Variants in DEPDC5 observed in about 807,000 individuals in gnomAD.
DEPDC5 encodes the protein DEP domain containing 5, GATOR1 subcomplex subunit, also known as GATOR1 complex protein DEPDC5.
In DEPDC5, 73 loss-of-function variants were observed where a neutral mutation model predicts 217.3. The observed-to-expected ratio is 0.34, with a 90% CI of 0.28 to 0.41. The LOEUF (loss-of-function observed/expected upper bound fraction) is 0.41. DEPDC5 is among the 10% of genes least tolerant of loss of function. DEPDC5 has a pLI of 1.00. For missense variants in DEPDC5, 1,675 were observed against 2,070.1 expected, an observed-to-expected ratio of 0.81 and a Z score of 3.70; for synonymous variants, 733 against 756.7, an observed-to-expected ratio of 0.97 and a Z score of 0.51.
intron 21 of DEPDC5, chr22:31,815,413 C>G (rs1165364686): frequency 3.1e-6 from 2 of 648,050 alleles, no homozygotes; most frequent in Non-Finnish European, 5.3e-6. Flanking sequence ...TTTTTGGTGA[C>G]AGAGCACCTA....
At chr22:31,815,556 A>ATT in intron 21 of DEPDC5, 1 of 572,636 alleles carries the variant, frequency 1.7e-6, no homozygotes. Flanking sequence ...TGATTATCAT[A>ATT]TTTTTTTTTG....
chr22:31,864,231 C>T (rs1330467998), intron 33 of DEPDC5, among the ~76,000 whole-genome samples: 1 of 151,272 alleles, frequency 6.6e-6, no homozygotes, highest in Non-Finnish European at 1.5e-5. Flanking sequence ...GCCCCAGCCT[C>T]CCTAGTAGTT....
chr22:31,863,672 AATTAT>A (rs1166141595), intron 33 of DEPDC5, among the ~76,000 whole-genome samples: 2 of 152,100 alleles, frequency 1.3e-5, no homozygotes, highest in Admixed American at 6.6e-5. Context: ...TACATAAAAA[AATTAT>A]ATTAGGAGGC....
At chr22:31,768,719 T>C in intron 6 of DEPDC5, 95 bp from the exon 7 acceptor site, 1 of 1,111,012 alleles carries the variant, frequency 9.0e-7, no homozygotes, top group Non-Finnish European at 1.3e-6. Context: ...TTGTTTGTGA[T>C]TTTTCATGGC....
chr22:31,785,066 A>G (rs780012980), intron 10 of DEPDC5, 191 bp downstream of exon 10: 13 of 523,758 alleles, frequency 2.5e-5, no homozygotes, highest in Non-Finnish European at 4.0e-5. Flanking sequence ...ATCACACTCA[A>G]TGGTAAAAGA....
chr22:31,896,571 C>G lies in DEPDC5; in HGVS notation c.4204-911C>G, dbSNP rs994535384. Among the ~76,000 whole-genome samples the G allele has an allele frequency of 5.9e-5, 9 of 151,748 alleles. No individual in the cohort carries two copies. The South Asian group carries it at 1.5e-3, about 25-fold the overall frequency. On this transcript the variant is annotated intron_variant, in intron 39 of 42. Transcript: ENST00000651528. ...ATTTTTATGGTTAAAAAGAGTATCT[C>G]AAGATCTAGAAAATTGCCACTGTTC...
chr22:31,764,829 C>G, intron 4 of DEPDC5, 146 bp from the exon 5 acceptor site: 1 of 573,122 alleles, frequency 1.7e-6, no homozygotes, highest in Non-Finnish European at 3.1e-6. Flanking sequence ...TGTTTAAATT[C>G]TAAGCTCCTG....
At chr22:31,843,912 C>CTTT in intron 29 of DEPDC5, 100 bp downstream of exon 29, 4 of 1,046,704 alleles carry the variant, frequency 3.8e-6, no homozygotes, top group Non-Finnish European at 5.1e-6. Flanking sequence ...CTCCCTTTTT[C>CTTT]TTTTTTTTTT....
intron 8 of DEPDC5, among the ~76,000 whole-genome samples, chr22:31,778,406 G>A (rs79381532): frequency 0.025 from 3,763 of 152,080 alleles, 121 homozygotes; most frequent in Admixed American, 0.096. Flanking sequence ...AAGAATTACC[G>A]GGATCCTAGG....
chr22:31,838,546 C>A, intron 26 of DEPDC5, 139 bp from the exon 27 acceptor site: 1 of 1,147,800 alleles, frequency 8.7e-7, no homozygotes, highest in Non-Finnish European at 1.2e-6. Context: ...CCACCATGCC[C>A]AGCTCAAACT....
intron 21 of DEPDC5, chr22:31,815,742 G>C (rs2089020187): frequency 1.0e-6 from 1 of 1,002,586 alleles, no homozygotes; most frequent in Admixed American, 3.7e-5. Flanking sequence ...CCATTCCCAG[G>C]CTGGTCTTGA....
At chr22:31,766,036 A>G (rs577539343) in intron 5 of DEPDC5, among the ~76,000 whole-genome samples, 8 of 152,194 alleles carry the variant, frequency 5.3e-5, no homozygotes, top group Non-Finnish European at 1.2e-4. Context: ...AAAAATAATA[A>G]TAACTAAATA....
At chr22:31,885,000 T>C (rs2149326311) in intron 38 of DEPDC5, among the ~76,000 whole-genome samples, 1 of 152,314 alleles carries the variant, frequency 6.6e-6, no homozygotes, top group South Asian at 2.1e-4. Context: ...GTCTCCTCTA[T>C]GATCGTGGTT....
intron 39 of DEPDC5, 89 bp downstream of exon 39, chr22:31,893,840 T>G (rs1271273230): frequency 2.2e-6 from 3 of 1,367,268 alleles, no homozygotes; most frequent in African/African-American, 1.5e-5. Flanking sequence ...CACTTTAATT[T>G]TTTAGTTCAG....
intron 41 of DEPDC5, among the ~76,000 whole-genome samples, chr22:31,903,669 A>C (rs1352653022): frequency 3.8e-4 from 14 of 36,758 alleles, no homozygotes; most frequent in East Asian, 1.1e-3. Context: ...ACCTTCCACA[A>C]CTAAACCCCT....
intron 9 of DEPDC5, 96 bp from the exon 10 acceptor site, chr22:31,784,718 A>C (rs1055372731): frequency 8.3e-7 from 1 of 1,202,864 alleles, no homozygotes; most frequent in Admixed American, 1.9e-5. Flanking sequence ...TTGCTTAGAG[A>C]AGAATTTACT....
chr22:31,847,878 A>G (rs2091832698), intron 31 of DEPDC5, among the ~76,000 whole-genome samples: 1 of 152,224 alleles, frequency 6.6e-6, no homozygotes, highest in Non-Finnish European at 1.5e-5. Context: ...ATCTGAGACA[A>G]GGCAAATCCC....
intron 36 of DEPDC5, chr22:31,875,787 C>T (rs1569174189): frequency 1.2e-5 from 2 of 165,244 alleles, no homozygotes; most frequent in Non-Finnish European, 2.6e-5. Context: ...GCATGCACCA[C>T]CATACCAGCT....
chr22:31,797,818 T>A (rs928163605), intron 13 of DEPDC5, 115 bp downstream of exon 13: 9 of 812,324 alleles, frequency 1.1e-5, no homozygotes, highest in Admixed American at 2.2e-5. Flanking sequence ...TAGTTTCTGC[T>A]TTTGGTCAGG....
Sources: gnomAD v4.1 joint callset for allele counts (sites outside exome capture counted in the v4.1 genomes callset) on GRCh38, gnomAD v4.1.1 for gene constraint, MANE v1.5 for transcripts, NCBI Gene and HGNC (gene_info 2026-07-23, HGNC 2026-07-21) for gene names.